The following TMEM131L variants were observed in gnomAD, a reference collection of about 807,000 sequenced individuals.
The protein encoded by TMEM131L is transmembrane protein 131-like.
TMEM131L carries 54 observed loss-of-function variants against 192.2 expected under a neutral mutation model. The observed-to-expected ratio is 0.28, with a 90% CI of 0.23 to 0.35. The LOEUF (loss-of-function observed/expected upper bound fraction) is 0.35. TMEM131L is among the 10% of genes least tolerant of loss of function. The pLI is 1.00. For synonymous variants in TMEM131L, 701 were observed against 704.9 expected (o/e 0.99, Z 0.09); for missense variants, 1,888 against 1,972.9 (o/e 0.96, Z 0.82).
intron 29 of TMEM131L, among the ~76,000 whole-genome samples, chr4:153,623,893 A>G (rs1302221325): frequency 4.7e-5 from 7 of 149,234 alleles, no homozygotes; most frequent in Admixed American, 6.7e-5. Context: ...TAATTTTGCC[A>G]TATTTGCTTT....
At chr4:153,586,105 C>A in intron 13 of TMEM131L, 104 bp from the exon 14 acceptor site, 2 of 823,692 alleles carry the variant, frequency 2.4e-6, no homozygotes, top group South Asian at 2.6e-5. Flanking sequence ...TGAGTAAAAT[C>A]ATACTTTCTG....
chr4:153,613,934 C>T (rs1184094470), intron 26 of TMEM131L, among the ~76,000 whole-genome samples: 3 of 152,152 alleles, frequency 2.0e-5, no homozygotes, highest in Non-Finnish European at 4.4e-5. Flanking sequence ...GTCCAAACTA[C>T]GAATTTACAG....
chr4:153,529,182 G>T (rs553869142), intron 3 of TMEM131L, among the ~76,000 whole-genome samples: 1 of 152,224 alleles, frequency 6.6e-6, no homozygotes, highest in South Asian at 2.1e-4. Flanking sequence ...ACTTTCATCT[G>T]TAGAAAATGG....
chr4:153,509,516 C>G (rs1214859637), intron 3 of TMEM131L, among the ~76,000 whole-genome samples: 2 of 152,088 alleles, frequency 1.3e-5, no homozygotes, highest in Non-Finnish European at 2.9e-5. Context: ...CACTTTAGAC[C>G]AGGAGTTTGA....
At position 153,538,865 on chromosome 4, in the gene TMEM131L, T is replaced by A. The variant is rs548990645; in HGVS notation, c.240-11208T>A. Among the ~76,000 whole-genome samples the A allele has an allele frequency of 6.6e-5, 10 of 152,284 alleles. No homozygotes were observed. In the East Asian group the frequency reaches 1.9e-3, roughly 29 times the overall value. The stretch of plus-strand genomic sequence containing the variant: ...CCAGGGTACTGGGATCTCCTACTCG[T>A]GGGACAAGGTGGAGACGTTTGTTTT... On this transcript the variant is annotated intron_variant, in intron 3 of 34. Coordinates refer to ENST00000409959, the MANE Select transcript of TMEM131L (RefSeq NM_001131007.2).
chr4:153,567,114 G>A (rs529497520), intron 7 of TMEM131L, among the ~76,000 whole-genome samples: 1 of 152,350 alleles, frequency 6.6e-6, no homozygotes, highest in African/African-American at 2.4e-5. Context: ...TAAAATCAGG[G>A]TAAGGAGGAG....
At chr4:153,535,941 T>C (rs1212154030) in intron 3 of TMEM131L, among the ~76,000 whole-genome samples, 2 of 152,250 alleles carry the variant, frequency 1.3e-5, no homozygotes, top group South Asian at 2.1e-4. Context: ...TGTTGCTGTT[T>C]ACAATCTTCA....
chr4:153,573,626 T>C (rs1161089444), intron 7 of TMEM131L, among the ~76,000 whole-genome samples: 1 of 152,224 alleles, frequency 6.6e-6, no homozygotes, highest in Non-Finnish European at 1.5e-5. Context: ...AAAGTTTAGA[T>C]AGTACAGGGG....
At chr4:153,534,259 A>C (rs1486849523) in intron 3 of TMEM131L, among the ~76,000 whole-genome samples, 3 of 152,278 alleles carry the variant, frequency 2.0e-5, no homozygotes, top group African/African-American at 4.8e-5. Flanking sequence ...GAAAACTGCG[A>C]AACTAAATTT....
chr4:153,584,022 T>C (rs1419966382), intron 11 of TMEM131L, among the ~76,000 whole-genome samples: 1 of 152,256 alleles, frequency 6.6e-6, no homozygotes, highest in African/African-American at 2.4e-5. Context: ...ATATTTACTC[T>C]TTGATCCTTA....
intron 7 of TMEM131L, among the ~76,000 whole-genome samples, chr4:153,559,904 G>A (rs866520649): frequency 2.4e-4 from 36 of 152,162 alleles, no homozygotes; most frequent in South Asian, 8.3e-4. Flanking sequence ...CTCACCACCT[G>A]TTCTTGGTCT....
chr4:153,515,937 G>T (rs1734699327), intron 3 of TMEM131L, among the ~76,000 whole-genome samples: 2 of 149,668 alleles, frequency 1.3e-5, no homozygotes, highest in Non-Finnish European at 1.5e-5. Context: ...TAAAGATAGG[G>T]TCTCACTGTG....
chr4:153,489,550 T>C (rs1732616204), intron 3 of TMEM131L, among the ~76,000 whole-genome samples: 2 of 152,158 alleles, frequency 1.3e-5, no homozygotes, highest in Admixed American at 6.6e-5. Context: ...CGATCTCAGT[T>C]CACTGCAACC....
intron 9 of TMEM131L, among the ~76,000 whole-genome samples, chr4:153,582,489 G>A (rs1730429947): frequency 8.3e-6 from 1 of 120,636 alleles, no homozygotes; most frequent in Non-Finnish European, 1.6e-5. Flanking sequence ...GTGTTGCTCA[G>A]GATGGTCTTG....
intron 19 of TMEM131L, among the ~76,000 whole-genome samples, chr4:153,595,493 G>A (rs1038128077): frequency 9.2e-5 from 14 of 151,946 alleles, no homozygotes; most frequent in Non-Finnish European, 1.6e-4. Context: ...TTTTCAGATG[G>A]CATGGGTAAC....
At chr4:153,626,088 G>C (rs191775534) in intron 29 of TMEM131L, 59 bp from the exon 30 acceptor site, 2 of 1,064,120 alleles carry the variant, frequency 1.9e-6, no homozygotes, top group African/African-American at 3.1e-5. Flanking sequence ...TTTTAATACC[G>C]AATATACAGT....
intron 3 of TMEM131L, among the ~76,000 whole-genome samples, chr4:153,487,460 C>T: frequency 6.6e-6 from 1 of 152,144 alleles, no homozygotes; most frequent in Non-Finnish European, 1.5e-5. Context: ...CTCATATGTC[C>T]TGGCATGCCT....
At chr4:153,542,044 A>G (rs1736823873) in intron 3 of TMEM131L, among the ~76,000 whole-genome samples, 2 of 152,232 alleles carry the variant, frequency 1.3e-5, no homozygotes, top group Admixed American at 1.3e-4. Flanking sequence ...AGGAGGGATG[A>G]CCATGGGAAA....
chr4:153,616,527 A>C (rs1184382567), intron 26 of TMEM131L, among the ~76,000 whole-genome samples: 1 of 152,208 alleles, frequency 6.6e-6, no homozygotes, highest in Non-Finnish European at 1.5e-5. Context: ...GGAAGGTTGA[A>C]GCCCAGGTTT....
Sources: gnomAD v4.1 joint callset for allele counts (sites outside exome capture counted in the v4.1 genomes callset) on GRCh38, gnomAD v4.1.1 for gene constraint, MANE v1.5 for transcripts, NCBI Gene and HGNC (gene_info 2026-07-23, HGNC 2026-07-21) for gene names.